Variants in NAA60 observed in about 807,000 individuals in gnomAD.
NAA60 encodes the protein N-alpha-acetyltransferase 60, NatF catalytic subunit, also known as N-alpha-acetyltransferase 60.
In NAA60, 8 loss-of-function variants were observed where a neutral mutation model predicts 26.1. That is an observed-to-expected ratio of 0.31 (90% CI 0.18 to 0.55). The LOEUF (loss-of-function observed/expected upper bound fraction) is 0.55. NAA60 is among the 20% of genes least tolerant of loss of function. The pLI is 0.93. For synonymous variants in NAA60, 131 were observed against 122.5 expected, an observed-to-expected ratio of 1.07 and a Z score of -0.46; for missense variants, 290 against 311.3, an observed-to-expected ratio of 0.93 and a Z score of 0.51.
At position 3,473,819 on chromosome 16, in the gene NAA60, C is replaced by T. The variant is rs956105260; in HGVS notation, c.-6-2403C>T. 4.6e-5 allele frequency among the ~76,000 whole-genome samples: 7 copies of T among 152,240 alleles called. No homozygotes were observed. In the South Asian group the frequency reaches 1.5e-3, roughly 32 times the overall value. On this transcript the variant is annotated intron_variant, in intron 2 of 7. Coordinates refer to ENST00000407558, the MANE Select transcript of NAA60 (RefSeq NM_001083601.3). ...GTGCGATCTTGGCTCACTGCAACCT[C>T]TGCTTCTTGGGTTCAAGTGATTCTT...
At chr16:3,483,119 G>A (rs1165499361) in intron 5 of NAA60, among the ~76,000 whole-genome samples, 2 of 152,166 alleles carry the variant, frequency 1.3e-5, no homozygotes, top group Non-Finnish European at 2.9e-5. Flanking sequence ...GTCTCCATGC[G>A]GGCCCAGCCC....
At chr16:3,446,571 A>G (rs901236469) in intron 1 of NAA60, among the ~76,000 whole-genome samples, 16 of 150,176 alleles carry the variant, frequency 1.1e-4, no homozygotes, top group African/African-American at 3.2e-4. Flanking sequence ...AAAAATGGCA[A>G]CACATTCCTG....
chr16:3,450,075 T>G (rs1365044011), intron 2 of NAA60: 3 of 394,012 alleles, frequency 7.6e-6, no homozygotes, highest in African/African-American at 6.6e-5. Context: ...AGAATTTCTT[T>G]GGAAGCAAAA....
intron 2 of NAA60, among the ~76,000 whole-genome samples, chr16:3,455,788 A>C (rs1264055769): frequency 1.3e-5 from 2 of 151,444 alleles, no homozygotes; most frequent in East Asian, 3.9e-4. Flanking sequence ...GCTCACTGCA[A>C]CCTCCACGTC....
intron 2 of NAA60, among the ~76,000 whole-genome samples, chr16:3,467,505 C>T (rs567517440): frequency 3.3e-5 from 5 of 152,208 alleles, no homozygotes; most frequent in African/African-American, 7.2e-5. Flanking sequence ...AGGAGGAGTC[C>T]CCCGTGGACT....
At chr16:3,476,131 C>T in intron 2 of NAA60, 91 bp from the exon 3 acceptor site, 1 of 946,328 alleles carries the variant, frequency 1.1e-6, no homozygotes, top group Non-Finnish European at 1.6e-6. Flanking sequence ...GTGGGACATG[C>T]TCCGTGCTCT....
chr16:3,448,273 CAA>C (rs34119288), intron 1 of NAA60, among the ~76,000 whole-genome samples, 196 bp from the exon 2 acceptor site: 3,578 of 118,704 alleles, frequency 0.03, 142 homozygotes, highest in African/African-American at 0.11. Flanking sequence ...GACCTTGTCT[CAA>C]AAAAAAAAAA....
At chr16:3,445,266 G>C (rs1291190222) in intron 1 of NAA60, among the ~76,000 whole-genome samples, 1 of 148,754 alleles carries the variant, frequency 6.7e-6, no homozygotes, top group Non-Finnish European at 1.5e-5. Context: ...TTCTTGGTTT[G>C]TGCTTATCTC....
At chr16:3,448,042 C>G (rs2150943346) in intron 1 of NAA60, among the ~76,000 whole-genome samples, 1 of 152,226 alleles carries the variant, frequency 6.6e-6, no homozygotes, top group East Asian at 1.9e-4. Flanking sequence ...CTAGAAGCTG[C>G]AACCAAAGAC....
intron 2 of NAA60, among the ~76,000 whole-genome samples, chr16:3,452,392 T>G (rs544742024): frequency 1.3e-5 from 2 of 152,060 alleles, no homozygotes; most frequent in Non-Finnish European, 2.9e-5. Flanking sequence ...ATTTTACTTA[T>G]GCCTGTAATC....
At chr16:3,474,637 C>T (rs1428815558) in intron 2 of NAA60, among the ~76,000 whole-genome samples, 1 of 152,218 alleles carries the variant, frequency 6.6e-6, no homozygotes, top group East Asian at 1.9e-4. Context: ...GTGGGGACTG[C>T]CAGATAAAAG....
At chr16:3,468,193 G>GAAGA (rs2150983699) in intron 2 of NAA60, 1 of 152,338 alleles carries the variant, frequency 6.6e-6, no homozygotes, top group East Asian at 1.9e-4. Flanking sequence ...CTATATAAAT[G>GAAGA]AAGACTTGGC....
rs528363690 is a variant in NAA60, at chr16:3,471,287, G to A, written c.-6-4935G>A. 3.3e-5 allele frequency among the ~76,000 whole-genome samples: 5 copies of A among 152,232 alleles called. No individual in the cohort carries two copies. In the South Asian group the frequency reaches 1.0e-3, roughly 32 times the overall value. On this transcript the variant is annotated intron_variant, in intron 2 of 7. Coordinates refer to ENST00000407558, the MANE Select transcript of NAA60 (RefSeq NM_001083601.3). The stretch of plus-strand genomic sequence containing the variant: ...GAGGGCAAGGCAGGCGGATCATGAG[G>A]TCAGGAGATCGAGACCATCCTGGCT...
chr16:3,451,293 C>A (rs1338448639), intron 2 of NAA60, among the ~76,000 whole-genome samples: 1 of 152,188 alleles, frequency 6.6e-6, no homozygotes, highest in African/African-American at 2.4e-5. Flanking sequence ...AATAATATCT[C>A]TGAATGGATA....
chr16:3,472,255 A>G (rs1489920416), intron 2 of NAA60: 2 of 152,260 alleles, frequency 1.3e-5, no homozygotes, highest in South Asian at 2.1e-4. Flanking sequence ...CCCGTGGCCC[A>G]TGGTGGCAGC....
At chr16:3,462,094 A>AAAAAAAAAAAC (rs1481287016) in intron 2 of NAA60, among the ~76,000 whole-genome samples, 1 of 151,704 alleles carries the variant, frequency 6.6e-6, no homozygotes, top group African/African-American at 2.4e-5. Context: ...ATCAAAAAAA[A>AAAAAAAAAAAC]AAAAAAAAAA....
intron 4 of NAA60, among the ~76,000 whole-genome samples, chr16:3,481,471 C>T (rs2036828246): frequency 2.0e-5 from 3 of 152,088 alleles, no homozygotes; most frequent in Admixed American, 2.0e-4. Flanking sequence ...GGGTGGCTTT[C>T]CTGAGTGCCC....
chr16:3,466,722 TG>T (rs1406907257), intron 2 of NAA60, among the ~76,000 whole-genome samples: 4 of 152,104 alleles, frequency 2.6e-5, no homozygotes, highest in Admixed American at 2.6e-4. Context: ...CGGGCAGGAC[TG>T]GGGTGGTGCT....
intron 2 of NAA60, among the ~76,000 whole-genome samples, chr16:3,461,514 C>T (rs1224870307): frequency 6.6e-6 from 1 of 152,162 alleles, no homozygotes; most frequent in Non-Finnish European, 1.5e-5. Flanking sequence ...GAAGCCATCG[C>T]GAGAACTGGC....
Sources: gnomAD v4.1 joint callset for allele counts (sites outside exome capture counted in the v4.1 genomes callset) on GRCh38, gnomAD v4.1.1 for gene constraint, MANE v1.5 for transcripts, NCBI Gene and HGNC (gene_info 2026-07-23, HGNC 2026-07-21) for gene names.